TMCC1: variants seen among roughly 807,000 people sequenced by gnomAD.
TMCC1 encodes the protein transmembrane and coiled-coil domains protein 1.
TMCC1 carries 15 observed loss-of-function variants against 52.4 expected under a neutral mutation model. The observed-to-expected ratio is 0.29, with a 90% CI of 0.19 to 0.44. TMCC1 has a LOEUF of 0.44. TMCC1 is among the 20% of genes least tolerant of loss of function. The probability of loss-of-function intolerance (pLI) is 1.00; values close to 1 mark genes in which losing one functional copy is unlikely to be tolerated. For missense variants in TMCC1, 503 were observed against 806.0 expected (o/e 0.62, Z 4.55); for synonymous variants, 279 against 301.9 (o/e 0.92, Z 0.79).
At chr3:129,742,272 A>T (rs1004691878) in intron 4 of TMCC1, among the ~76,000 whole-genome samples, 76 of 152,192 alleles carry the variant, frequency 5.0e-4, no homozygotes, top group Non-Finnish European at 2.1e-4. Context: ...GGACACCATT[A>T]ACAAAGTGAA....
chr3:129,807,347 CAATAA>C (rs2057526168), intron 4 of TMCC1, among the ~76,000 whole-genome samples: 1 of 152,004 alleles, frequency 6.6e-6, no homozygotes, highest in South Asian at 2.1e-4. Flanking sequence ...AAATATTACA[CAATAA>C]AATATAAAAT....
At chr3:129,833,853 T>C (rs796085182) in intron 2 of TMCC1, among the ~76,000 whole-genome samples, 3 of 152,326 alleles carry the variant, frequency 2.0e-5, no homozygotes, top group African/African-American at 7.2e-5. Context: ...AGCACCAAAA[T>C]TAAATTTTTC....
intron 2 of TMCC1, among the ~76,000 whole-genome samples, chr3:129,878,686 A>G (rs966670307): frequency 2.0e-5 from 3 of 152,208 alleles, no homozygotes; most frequent in Non-Finnish European, 2.9e-5. Flanking sequence ...CAAACGCTCC[A>G]AAGACTTCCT....
At chr3:129,717,564 C>A (rs2049202962) in intron 4 of TMCC1, among the ~76,000 whole-genome samples, 1 of 152,172 alleles carries the variant, frequency 6.6e-6, no homozygotes, top group South Asian at 2.1e-4. Flanking sequence ...TGAACTCCAG[C>A]ACTTTCCCAC....
chr3:129,867,966 G>A (rs549534850), intron 2 of TMCC1, among the ~76,000 whole-genome samples: 1 of 152,246 alleles, frequency 6.6e-6, no homozygotes, highest in South Asian at 2.1e-4. Context: ...CAAGAACTCT[G>A]CTAGGCACTA....
intron 4 of TMCC1, among the ~76,000 whole-genome samples, chr3:129,722,414 C>T (rs1168539030): frequency 6.6e-6 from 1 of 152,118 alleles, no homozygotes; most frequent in Non-Finnish European, 1.5e-5. Context: ...ACACCCCGAC[C>T]CCATCTGTGG....
At chr3:129,826,711 T>TAA (rs141428688) in intron 4 of TMCC1, among the ~76,000 whole-genome samples, 147 of 144,034 alleles carry the variant, frequency 1.0e-3, no homozygotes, top group African/African-American at 3.5e-3. Context: ...TAATATCCAA[T>TAA]AAAAAAAAAA....
At chr3:129,868,087 A>C (rs374972392) in intron 2 of TMCC1, among the ~76,000 whole-genome samples, 1 of 152,218 alleles carries the variant, frequency 6.6e-6, no homozygotes, top group Admixed American at 6.5e-5. Flanking sequence ...GTGTTACAAG[A>C]AGACAACGCC....
chr3:129,664,405 C>G (rs147435550), intron 5 of TMCC1, among the ~76,000 whole-genome samples: 1 of 152,290 alleles, frequency 6.6e-6, no homozygotes, highest in East Asian at 1.9e-4. Flanking sequence ...CAGCCTGTGC[C>G]TAATTGGGTC....
intron 4 of TMCC1, among the ~76,000 whole-genome samples, chr3:129,718,739 T>C (rs1251897373): frequency 6.6e-6 from 1 of 152,228 alleles, no homozygotes; most frequent in Non-Finnish European, 1.5e-5. Flanking sequence ...CATTTTAAAA[T>C]TAAAATAACA....
chr3:129,822,865 C>A (rs182192842), intron 4 of TMCC1, among the ~76,000 whole-genome samples: 151 of 152,324 alleles, frequency 9.9e-4, no homozygotes, highest in African/African-American at 3.4e-3. Flanking sequence ...CAGTGATCTT[C>A]TGACTAGAAA....
chr3:129,709,864 G>T (rs886983361), intron 4 of TMCC1, among the ~76,000 whole-genome samples: 1 of 151,978 alleles, frequency 6.6e-6, no homozygotes, highest in Non-Finnish European at 1.5e-5. Context: ...GGCTTTCATG[G>T]TGACCAAAAT....
At chr3:129,813,807 A>G (rs1457608838) in intron 4 of TMCC1, among the ~76,000 whole-genome samples, 1 of 152,152 alleles carries the variant, frequency 6.6e-6, no homozygotes, top group Non-Finnish European at 1.5e-5. Flanking sequence ...AAAAGTTAAA[A>G]AAAAAAAAGA....
intron 4 of TMCC1, among the ~76,000 whole-genome samples, chr3:129,761,329 A>C (rs1463325250): frequency 3.5e-3 from 5 of 1,432 alleles, no homozygotes; most frequent in East Asian, 0.067. Context: ...CTCCGTCTCA[A>C]AAAAAAAAAA....
intron 3 of TMCC1, among the ~76,000 whole-genome samples, chr3:129,830,477 G>C (rs1208947310): frequency 1.3e-5 from 2 of 152,164 alleles, no homozygotes; most frequent in African/African-American, 4.8e-5. Context: ...CAGAGGAAAA[G>C]GGCTAATGTA....
intron 2 of TMCC1, among the ~76,000 whole-genome samples, chr3:129,859,475 A>C (rs1385798767): frequency 6.6e-6 from 1 of 152,058 alleles, no homozygotes; most frequent in Non-Finnish European, 1.5e-5. Flanking sequence ...CATCTCTATG[A>C]AGAATACAAC....
At chr3:129,677,293 A>G (rs998684211) in intron 4 of TMCC1, among the ~76,000 whole-genome samples, 2 of 152,098 alleles carry the variant, frequency 1.3e-5, no homozygotes, top group African/African-American at 4.8e-5. Context: ...ATATTCAAGA[A>G]TCATTCTCAC....
chr3:129,654,028 C>T (rs530473985), intron 6 of TMCC1, among the ~76,000 whole-genome samples: 1 of 152,120 alleles, frequency 6.6e-6, no homozygotes, highest in African/African-American at 2.4e-5. Context: ...ACACCTCCCC[C>T]CAACCCCCCC....
intron 2 of TMCC1, among the ~76,000 whole-genome samples, chr3:129,845,675 T>C (rs966382159): frequency 9.9e-5 from 15 of 152,178 alleles, no homozygotes; most frequent in Admixed American, 6.5e-4. Flanking sequence ...CTCACTGATG[T>C]AGAAGTACCT....
Sources: gnomAD v4.1 joint callset for allele counts (sites outside exome capture counted in the v4.1 genomes callset) on GRCh38, gnomAD v4.1.1 for gene constraint, MANE v1.5 for transcripts, NCBI Gene and HGNC (gene_info 2026-07-23, HGNC 2026-07-21) for gene names.